PTPRG: variants seen among roughly 807,000 people sequenced by gnomAD.
The protein encoded by PTPRG is protein tyrosine phosphatase receptor type G, also known as receptor-type tyrosine-protein phosphatase gamma.
In PTPRG, 102 loss-of-function variants were observed where a neutral mutation model predicts 165.3. The ratio of observed to expected loss-of-function variants is 0.62; its 90% CI spans 0.53 to 0.73. The LOEUF (loss-of-function observed/expected upper bound fraction) is 0.73. PTPRG is among the 30% of genes least tolerant of loss of function. The pLI, the probability that PTPRG is intolerant of heterozygous loss-of-function variation, is 0.00. For missense variants in PTPRG, 1,866 were observed against 1,861.4 expected (o/e 1.00, Z -0.05); for synonymous variants, 675 against 669.5 (o/e 1.01, Z -0.13).
chr3:61,580,463 C>T (rs917962729), intron 1 of PTPRG, among the ~76,000 whole-genome samples: 7 of 150,418 alleles, frequency 4.7e-5, no homozygotes, highest in African/African-American at 1.7e-4. Context: ...TCACTGCAAC[C>T]TCTGCCTCCC....
chr3:61,638,793 CCT>C (rs1055874036), intron 1 of PTPRG, among the ~76,000 whole-genome samples: 17 of 151,766 alleles, frequency 1.1e-4, no homozygotes, highest in Admixed American at 3.3e-4. Flanking sequence ...TGTTTAAATT[CCT>C]TATAGATTCT....
rs1040750434 is a variant in PTPRG at position 62,224,969 on chromosome 3, G to A, written c.2288+5986G>A. 6.6e-6 allele frequency among the ~76,000 whole-genome samples: 1 copy of A among 152,136 alleles called. No individual in the cohort carries two copies. Among genetic ancestry groups the A allele is most frequent in the Non-Finnish European group, 1.5e-5 (1 of 68,034 alleles). ...CAAAGTGATTTTGGACAAGGGGCAG[G>A]GTTGTGAGGCAGATAATAAAAATAA... On this transcript the variant is annotated intron_variant, in intron 13 of 29. Coordinates refer to ENST00000474889, the MANE Select transcript of PTPRG (RefSeq NM_002841.4). The surrounding 1 kb of genome is among the most constrained non-coding windows in gnomAD (Gnocchi z 4.9).
At position 61,676,471 on chromosome 3, in the gene PTPRG, A is replaced by AAAAAAAAAAAAAAAAAAAAAAG. The variant is rs369505317; in HGVS notation, c.86-72404_86-72403insAAAAAAAAAAAAAAAAAAGAAA. Among the ~76,000 whole-genome samples, 92 of 99,050 alleles carry AAAAAAAAAAAAAAAAAAAAAAG rather than the reference A, an allele frequency of 9.3e-4. 10 individuals are homozygous for AAAAAAAAAAAAAAAAAAAAAAG. Among genetic ancestry groups the AAAAAAAAAAAAAAAAAAAAAAG allele is most frequent in the East Asian group, 1.5e-3 (4 of 2,702 alleles). 65.0% of individuals were successfully genotyped at this position (99,050 alleles called of 152,430 possible). On this transcript the variant is annotated intron_variant, in intron 1 of 29. Transcript: ENST00000474889. ...GACTCCATCTCAAAAAAAAAAAAAA[A>AAAAAAAAAAAAAAAAAAAAAAG]AAAGAAAATTACTAAAGTCTGTGAA... is the stretch of plus-strand genomic sequence containing the variant.
At chr3:62,168,253 G>A in intron 8 of PTPRG, 90 bp downstream of exon 8, 1 of 1,267,034 alleles carries the variant, frequency 7.9e-7, no homozygotes, top group Admixed American at 2.6e-5. Context: ...GCCAGGAATT[G>A]GGACTTGGTG....
intron 2 of PTPRG, among the ~76,000 whole-genome samples, chr3:61,876,537 A>G (rs899273417): frequency 6.6e-6 from 1 of 152,210 alleles, no homozygotes; most frequent in Non-Finnish European, 1.5e-5. Context: ...ACTTCTCTAT[A>G]AATCTAAACT....
chr3:61,966,736 G>A (rs1479393), intron 2 of PTPRG, among the ~76,000 whole-genome samples: 33,483 of 152,044 alleles, frequency 0.22, 4,020 homozygotes, highest in African/African-American at 0.3. Flanking sequence ...ATAGACAGGT[G>A]GCTCTAGAAT....
chr3:62,268,993 C>G (rs910987023), intron 19 of PTPRG, 42 bp from the exon 20 acceptor site: 5 of 1,499,496 alleles, frequency 3.3e-6, no homozygotes, highest in Non-Finnish European at 4.5e-6. Flanking sequence ...AGAATTGTGG[C>G]ATAGATTGCA....
At chr3:61,870,050 C>A (rs2037522293) in intron 2 of PTPRG, among the ~76,000 whole-genome samples, 1 of 152,120 alleles carries the variant, frequency 6.6e-6, no homozygotes, top group Non-Finnish European at 1.5e-5. Flanking sequence ...TTTCACTTGG[C>A]AAAGTCTTCA....
At chr3:62,155,502 T>C (rs1054190257) in intron 6 of PTPRG, among the ~76,000 whole-genome samples, 3 of 152,180 alleles carry the variant, frequency 2.0e-5, no homozygotes, top group Non-Finnish European at 2.9e-5. Context: ...CATGGAGTTA[T>C]TTTAAGCATT....
intron 5 of PTPRG, among the ~76,000 whole-genome samples, chr3:62,105,845 C>A (rs1273765373): frequency 6.6e-6 from 1 of 152,178 alleles, no homozygotes; most frequent in Admixed American, 6.5e-5. Flanking sequence ...GGTGTCTTCT[C>A]AAGGTCATTA....
At chr3:62,061,252 G>A (rs887976929) in intron 4 of PTPRG, among the ~76,000 whole-genome samples, 2 of 152,232 alleles carry the variant, frequency 1.3e-5, no homozygotes, top group African/African-American at 4.8e-5. Context: ...AGACTTCTGA[G>A]TGTGTTCACT....
At chr3:61,593,843 C>A (rs1179082986) in intron 1 of PTPRG, among the ~76,000 whole-genome samples, 3 of 152,100 alleles carry the variant, frequency 2.0e-5, no homozygotes, top group Non-Finnish European at 4.4e-5. Flanking sequence ...TGGTACTCAT[C>A]AAGACCTCAT....
chr3:61,934,529 G>A lies in PTPRG; in HGVS notation c.191-55096G>A, dbSNP rs2039438668. 3.9e-5 allele frequency among the ~76,000 whole-genome samples: 6 copies of A among 152,130 alleles called. No individual in the cohort carries two copies. The South Asian group carries it at 1.2e-3, about 32-fold the overall frequency. On this transcript the variant is annotated intron_variant, in intron 2 of 29. Transcript: ENST00000474889. ...AGGGCTGATCTGGTGACTATGTTGA[G>A]TTGATCCTGACTACGCCTATCTTGC... is the stretch of plus-strand genomic sequence containing the variant.
At chr3:62,235,398 C>T (rs1274378516) in intron 14 of PTPRG, among the ~76,000 whole-genome samples, 3 of 152,132 alleles carry the variant, frequency 2.0e-5, no homozygotes, top group African/African-American at 7.2e-5. Context: ...GAAGTCCTGT[C>T]CAGGGCTCAC....
At chr3:62,158,915 G>A (rs1559581895) in intron 7 of PTPRG, among the ~76,000 whole-genome samples, 1 of 151,890 alleles carries the variant, frequency 6.6e-6, no homozygotes, top group East Asian at 1.9e-4. Context: ...TGCCAACATT[G>A]TTTCATTAAA....
At chr3:62,208,157 G>T (rs1700275265) in intron 12 of PTPRG, among the ~76,000 whole-genome samples, 1 of 152,142 alleles carries the variant, frequency 6.6e-6, no homozygotes, top group Non-Finnish European at 1.5e-5. Flanking sequence ...CTTTCAGAAG[G>T]CTTGAAGGCC....
At chr3:61,687,116 C>A (rs1315801938) in intron 1 of PTPRG, among the ~76,000 whole-genome samples, 1 of 152,210 alleles carries the variant, frequency 6.6e-6, no homozygotes, top group Non-Finnish European at 1.5e-5. Flanking sequence ...AATACCTACC[C>A]TGAAATGAAA....
chr3:61,847,143 T>A (rs935457464), intron 2 of PTPRG, among the ~76,000 whole-genome samples: 2 of 147,892 alleles, frequency 1.4e-5, no homozygotes, highest in Non-Finnish European at 3.1e-5. Context: ...GCTACAGATA[T>A]AATGAGTTAA....
intron 5 of PTPRG, among the ~76,000 whole-genome samples, chr3:62,080,234 A>ATTTTTTTT (rs112814144): frequency 7.3e-6 from 1 of 137,436 alleles, no homozygotes. Context: ...ATGCCCAGCT[A>ATTTTTTTT]ATTTTTTTTT....
Sources: gnomAD v4.1 joint callset for allele counts (sites outside exome capture counted in the v4.1 genomes callset) on GRCh38, gnomAD v4.1.1 for gene constraint, Gnocchi (gnomAD v3.1) non-coding constraint, MANE v1.5 for transcripts, NCBI Gene and HGNC (gene_info 2026-07-23, HGNC 2026-07-21) for gene names.